CADM1: variants seen among roughly 807,000 people sequenced by gnomAD.
The protein encoded by CADM1 is cell adhesion molecule 1.
A neutral mutation model predicts 53.1 loss-of-function variants in CADM1; 15 were observed. The ratio of observed to expected loss-of-function variants is 0.28; its 90% CI spans 0.19 to 0.44. The LOEUF (loss-of-function observed/expected upper bound fraction) is 0.44. Ranked by LOEUF, CADM1 falls within the 20% of genes least tolerant of loss-of-function variation. The probability of loss-of-function intolerance (pLI) is 1.00; values close to 1 mark genes in which losing one functional copy is unlikely to be tolerated. For missense variants in CADM1, 434 were observed against 611.3 expected, an observed-to-expected ratio of 0.71 and a Z score of 3.06; for synonymous variants, 281 against 243.0, an observed-to-expected ratio of 1.16 and a Z score of -1.45.
intron 1 of CADM1, among the ~76,000 whole-genome samples, chr11:115,367,484 TTC>T (rs1361070816): frequency 2.6e-5 from 4 of 152,186 alleles, no homozygotes; most frequent in African/African-American, 9.6e-5. Context: ...CATTTACATT[TTC>T]TTTTTATTCT....
Position 115,190,951 on chromosome 11 carries a change from A to G in CADM1, c.1112-10T>C, listed in dbSNP as rs1263166889. Reference sequence around the variant, plus strand: ...GGCAACTGAGTAAGGCCTTACAAGTAAAAACAAATCGTTTTTCTTTTCATT... The same window carrying G: ...GGCAACTGAGTAAGGCCTTACAAGTGAAAACAAATCGTTTTTCTTTTCATT... On this transcript the variant is annotated splice_polypyrimidine_tract_variant and intron_variant, in intron 9 of 11. Coordinates refer to ENST00000331581, the MANE Select transcript of CADM1 (RefSeq NM_001301043.2). 1 of 1,586,840 alleles carries G rather than the reference A, an allele frequency of 6.3e-7. No homozygotes were observed. Among genetic ancestry groups the G allele is most frequent in the African/African-American group, 1.3e-5 (1 of 74,814 alleles).
intron 8 of CADM1, among the ~76,000 whole-genome samples, chr11:115,206,628 T>C (rs942124424): frequency 4.6e-5 from 7 of 152,124 alleles, no homozygotes; most frequent in Non-Finnish European, 1.0e-4. Flanking sequence ...AAATCAACTA[T>C]GACTTCTCGA....
chr11:115,372,881 C>T (rs1420479633), intron 1 of CADM1, among the ~76,000 whole-genome samples: 1 of 152,146 alleles, frequency 6.6e-6, no homozygotes, highest in East Asian at 1.9e-4. Context: ...CTAAACCAGG[C>T]CTGGATCTGC....
chr11:115,279,628 CTG>C (rs1428417565), intron 1 of CADM1, among the ~76,000 whole-genome samples: 1 of 152,300 alleles, frequency 6.6e-6, no homozygotes, highest in East Asian at 1.9e-4. Context: ...GCTGGGGAAA[CTG>C]TTACAACTCT....
intron 5 of CADM1, among the ~76,000 whole-genome samples, chr11:115,225,247 T>C (rs1275549075): frequency 6.7e-6 from 1 of 150,170 alleles, no homozygotes. Context: ...GAGCGGCTAA[T>C]GCCCCAGAAA....
intron 1 of CADM1, among the ~76,000 whole-genome samples, chr11:115,278,992 C>T (rs916327256): frequency 2.6e-5 from 4 of 152,160 alleles, no homozygotes; most frequent in Admixed American, 6.5e-5. Context: ...ATGTGTTCCA[C>T]TAGCTGGATG....
intron 1 of CADM1, among the ~76,000 whole-genome samples, chr11:115,345,693 T>A (rs1054285723): frequency 6.6e-6 from 1 of 152,176 alleles, no homozygotes; most frequent in Admixed American, 6.5e-5. Context: ...GATGTTTACA[T>A]CCTGTTTGTT....
chr11:115,238,597 T>C lies in CADM1; in HGVS notation c.327A>G (p.Val109=), dbSNP rs1358305556. The change falls in exon 3 of 12, where the codon GTA becomes GTG. Residue 109 remains valine (V), a synonymous_variant. Coordinates refer to ENST00000331581, the MANE Select transcript of CADM1 (RefSeq NM_001301043.2). ...CAGAAATTGAGACGTTTGTCAATGATACTTTGAGTTCACTGCTAGAAAAAT... is the reference window on the plus strand; with the variant it reads ...CAGAAATTGAGACGTTTGTCAATGACACTTTGAGTTCACTGCTAGAAAAAT... ...LLNFSSSELK[V]SLTNVSISDE... is the part of the protein sequence containing the mutation. 8 of 1,613,794 alleles carry C rather than the reference T, an allele frequency of 5.0e-6. No individual in the cohort carries two copies. Among genetic ancestry groups the C allele is most frequent in the African/African-American group, 1.3e-5 (1 of 74,910 alleles).
At chr11:115,361,454 G>A (rs1168216044) in intron 1 of CADM1, among the ~76,000 whole-genome samples, 1 of 152,150 alleles carries the variant, frequency 6.6e-6, no homozygotes, top group East Asian at 1.9e-4. Context: ...AGTAGATCCA[G>A]CACTGTGACT....
At chr11:115,417,343 T>C (rs780103742) in intron 1 of CADM1, among the ~76,000 whole-genome samples, 13 of 152,204 alleles carry the variant, frequency 8.5e-5, no homozygotes, top group Non-Finnish European at 1.8e-4. Context: ...ATGACTATGC[T>C]AAAGTACCTA....
intron 1 of CADM1, among the ~76,000 whole-genome samples, chr11:115,283,929 T>C (rs780028624): frequency 1.1e-4 from 17 of 152,164 alleles, no homozygotes. Flanking sequence ...CTCAAATGTC[T>C]CTTGAATAGG....
In CADM1 at chr11:115,217,966, C is replaced by T. The variant is rs930088471; in HGVS notation, c.747G>A (p.Met249Ile). ...VQYKPQVHIQ[M>I]TYPLQGLTRE... ...GGGTTAAGCCTTGTAGAGGATAAGT[C>T]ATCTGAATGTGCACTTGAGGCTTAT... Residue 249 changes from methionine (M) to isoleucine (I), a missense_variant, in exon 6 of 12, where the codon ATG (methionine) becomes ATA (isoleucine). Physicochemically the swap from Met to Ile is conservative, Grantham distance 10. Transcript: ENST00000331581. 23 of 1,613,308 alleles carry T rather than the reference C, an allele frequency of 1.4e-5. No homozygotes were observed. Among genetic ancestry groups the T allele is most frequent in the East Asian group, 2.2e-5 (1 of 44,854 alleles).
intron 1 of CADM1, among the ~76,000 whole-genome samples, chr11:115,305,876 G>T (rs544590037): frequency 3.4e-4 from 46 of 134,626 alleles, no homozygotes; most frequent in Non-Finnish European, 6.6e-4. Flanking sequence ...ATGCCAGCCT[G>T]GGCTACAGAG....
At chr11:115,483,079 T>A (rs1949293386) in intron 1 of CADM1, among the ~76,000 whole-genome samples, 1 of 152,222 alleles carries the variant, frequency 6.6e-6, no homozygotes, top group Non-Finnish European at 1.5e-5. Flanking sequence ...CTGTCCCAAC[T>A]TTTCTCTAAA....
intron 1 of CADM1, among the ~76,000 whole-genome samples, chr11:115,246,366 C>T (rs558769464): frequency 2.4e-4 from 37 of 152,278 alleles, no homozygotes; most frequent in Admixed American, 1.8e-3. Flanking sequence ...GAATGCCAAC[C>T]ATACAGTTCA....
chr11:115,504,035 G>A (rs971158667), intron 1 of CADM1, among the ~76,000 whole-genome samples: 1 of 152,116 alleles, frequency 6.6e-6, no homozygotes, highest in African/African-American at 2.4e-5. Context: ...GAGAGAAGGT[G>A]TGGGTGCAGC....
intron 7 of CADM1, among the ~76,000 whole-genome samples, chr11:115,210,565 A>G (rs1262395372): frequency 6.6e-6 from 1 of 152,230 alleles, no homozygotes; most frequent in African/African-American, 2.4e-5. Flanking sequence ...TGAATGTGTT[A>G]AATTGTCAGC....
intron 1 of CADM1, among the ~76,000 whole-genome samples, chr11:115,427,918 A>T (rs1947932870): frequency 1.3e-5 from 2 of 150,956 alleles, no homozygotes; most frequent in Admixed American, 1.3e-4. Context: ...AAGGTAAGAG[A>T]ATCCTTAAGC....
intron 6 of CADM1, among the ~76,000 whole-genome samples, chr11:115,216,108 T>C (rs1941171705): frequency 6.6e-6 from 1 of 152,182 alleles, no homozygotes; most frequent in Admixed American, 6.5e-5. Flanking sequence ...AAACAATCAG[T>C]AGGGGTAACT....
Sources: allele counts gnomAD v4.1 joint callset (sites outside exome capture counted in the v4.1 genomes callset), GRCh38; gene constraint gnomAD v4.1.1; transcripts MANE v1.5; gene names NCBI Gene and HGNC (gene_info 2026-07-23, HGNC 2026-07-21).